The following CILK1 variants were observed in gnomAD, a reference collection of about 807,000 sequenced individuals.
CILK1 encodes the protein ciliogenesis associated kinase 1.
Under a neutral mutation model 79.2 loss-of-function variants are expected in CILK1, and 47 were observed. The ratio of observed to expected loss-of-function variants is 0.59; its 90% CI spans 0.47 to 0.76. The LOEUF (loss-of-function observed/expected upper bound fraction) is 0.76. Among genes scored for constraint, CILK1 ranks in the 30% least tolerant of loss-of-function variants. The pLI, the probability that CILK1 is intolerant of heterozygous loss-of-function variation, is 0.00. For missense variants in CILK1, 660 were observed against 769.5 expected, an observed-to-expected ratio of 0.86 and a Z score of 1.68; for synonymous variants, 266 against 275.9, an observed-to-expected ratio of 0.96 and a Z score of 0.36.
rs55651330 is a variant in CILK1, at chr6:53,019,343, G to A, written c.375C>T (p.Asp125=). 11 of 1,613,998 alleles carry A rather than the reference G, an allele frequency of 6.8e-6. No individual in the cohort carries two copies. The highest frequency in any genetic ancestry group is 6.7e-5 in the African/African-American group (5 of 74,932). The change falls in exon 6 of 14, where the codon GAC becomes GAT. Residue 125 remains aspartate (D), a synonymous_variant. Transcript: ENST00000676107. The stretch of plus-strand genomic sequence containing the variant: ...TGCAGAGGAGGTTCTCAGGCTTTAA[G>A]TCTCGATGAAAGAAGCCTATAGAGA... ...FIHKHGFFHR[D]LKPENLLCMG... is the part of the protein sequence containing the mutation.
At chr6:53,023,550 T>A (rs899816054) in intron 5 of CILK1, among the ~76,000 whole-genome samples, 2 of 152,168 alleles carry the variant, frequency 1.3e-5, no homozygotes. Context: ...TCAGAGCTGG[T>A]TGTCCTTGTG....
rs769296693 is a variant in CILK1 at position 53,006,324 on chromosome 6, G to A, written c.1735C>T (p.Pro579Ser). ...QRVHLAPIPDPSPGYSSLKAM... is the reference protein window; with the variant it reads ...QRVHLAPIPDSSPGYSSLKAM... ...TTAAAATACAACTCACCAGGGGAAG[G>A]GTCTGGAATAGGTGCTAGGTGTACC... Residue 579 changes from proline (P) to serine (S), a missense_variant, in exon 13 of 14, where the codon CCT (proline) becomes TCT (serine). By Grantham distance (74) the Pro-to-Ser change is moderately conservative. Transcript: ENST00000676107. 1 of 1,613,562 alleles carries A rather than the reference G, an allele frequency of 6.2e-7. No homozygotes were observed. Among genetic ancestry groups the A allele is most frequent in the Non-Finnish European group, 8.5e-7 (1 of 1,179,686 alleles).
At chr6:53,022,570 C>A (rs527314954) in intron 5 of CILK1, among the ~76,000 whole-genome samples, 2 of 152,268 alleles carry the variant, frequency 1.3e-5, no homozygotes, top group Non-Finnish European at 2.9e-5. Flanking sequence ...TGCACAACAA[C>A]AAAATTGTCT....
chr6:53,034,382 G>A (rs557255779), intron 3 of CILK1, among the ~76,000 whole-genome samples: 11 of 152,172 alleles, frequency 7.2e-5, no homozygotes, highest in Non-Finnish European at 1.3e-4. Context: ...AATTTTGTGT[G>A]GGGGACGTCA....
intron 2 of CILK1, 149 bp downstream of exon 2, chr6:53,040,987 T>G (rs1766667001): frequency 1.1e-5 from 8 of 702,668 alleles, no homozygotes; most frequent in Admixed American, 2.0e-5. Context: ...ACATGAGTGT[T>G]ACAGAGTCAA....
At chr6:53,038,102 G>T in intron 2 of CILK1, 109 bp from the exon 3 acceptor site, 2 of 753,462 alleles carry the variant, frequency 2.7e-6, no homozygotes, top group Non-Finnish European at 4.7e-6. Context: ...ACTTAAAGTG[G>T]GTTTAAATTT....
chr6:53,035,091 T>A (rs1034754359), intron 3 of CILK1, among the ~76,000 whole-genome samples: 3 of 151,950 alleles, frequency 2.0e-5, no homozygotes, highest in African/African-American at 7.3e-5. Context: ...ACCTGCTGAG[T>A]TCTTCTGGTG....
chr6:53,027,076 T>C (rs1765626178), intron 5 of CILK1, among the ~76,000 whole-genome samples: 1 of 152,218 alleles, frequency 6.6e-6, no homozygotes, highest in Non-Finnish European at 1.5e-5. Context: ...CAGGACACTT[T>C]CCTGCTGTGG....
intron 1 of CILK1, among the ~76,000 whole-genome samples, chr6:53,060,636 A>G (rs899032592): frequency 6.6e-6 from 1 of 152,214 alleles, no homozygotes. Flanking sequence ...ATTGTAGCGC[A>G]TTGTTCAGAA....
intron 2 of CILK1, among the ~76,000 whole-genome samples, chr6:53,038,416 G>A (rs1766496233): frequency 6.6e-6 from 1 of 152,108 alleles, no homozygotes; most frequent in Admixed American, 6.5e-5. Flanking sequence ...GCACAATGTG[G>A]GAACTGAATT....
chr6:53,005,351 A>G, intron 13 of CILK1, 48 bp from the exon 14 acceptor site: 1 of 1,601,078 alleles, frequency 6.2e-7, no homozygotes. Flanking sequence ...GGCCAATGTA[A>G]GCAAAGTACA....
At position 53,005,155 on chromosome 6, in the gene CILK1, C is replaced by A; in HGVS notation, c.1893G>T (p.Arg631=). The A allele has an allele frequency of 6.2e-7, 1 of 1,614,150 alleles. No homozygotes were observed. The highest frequency in any genetic ancestry group is 8.5e-7 in the Non-Finnish European group (1 of 1,180,040). The change falls in exon 14 of 14, where the codon CGG becomes CGT. Residue 631 remains arginine (R), a synonymous_variant. Transcript: ENST00000676107. ...TCATCACCAAGGCAGACAGTCATCG[C>A]CGAGATGCGTACTTGGAAGCCCAGT... ...RTDWASKYAS[R]R is the part of the protein sequence containing the mutation.
At position 53,041,171 on chromosome 6, in the gene CILK1, T is replaced by C. The variant is rs1447163434; in HGVS notation, c.66A>G (p.Arg22=). The change falls in exon 2 of 14, where the codon AGA becomes AGG. Residue 22 remains arginine, a synonymous_variant. Transcript: ENST00000676107. ...DGTYGSVLLG[R]SIESGELIAI... ...CGATCAGCTCCCCAGACTCAATGCT[T>C]CTTCCCAGCAGGACGGAACCGTAGG... 1.2e-6 allele frequency: 2 copies of C among 1,613,974 alleles called. No homozygotes were observed. Among genetic ancestry groups the C allele is most frequent in the East Asian group, 4.5e-5 (2 of 44,882 alleles).
rs1168759367 is a variant in CILK1 at position 53,019,302 on chromosome 6, A to C, written c.416T>G (p.Val139Gly). The C allele has an allele frequency of 6.2e-7, 1 of 1,614,060 alleles. No homozygotes were observed. The highest frequency in any genetic ancestry group is 1.7e-5 in the Admixed American group (1 of 60,022). ...GGCCAAACCAAAGTCTGCAATTTTC[A>C]CAAGTTCTGGTCCCATGCAGAGGAG... is the stretch of plus-strand genomic sequence containing the variant. Reference protein sequence around the residue: ...ENLLCMGPELVKIADFGLARE... With the variant: ...ENLLCMGPELGKIADFGLARE... Residue 139 changes from valine (V) to glycine (G), a missense_variant, in exon 6 of 14, where the codon GTG (valine) becomes GGG (glycine). By Grantham distance (109) the Val-to-Gly change is moderately radical. Transcript: ENST00000676107.
chr6:53,032,690 T>C (rs747779453), intron 3 of CILK1, 36 bp from the exon 4 acceptor site: 32 of 1,542,842 alleles, frequency 2.1e-5, no homozygotes, highest in Non-Finnish European at 2.7e-5. Context: ...ACAAAACAAA[T>C]ATTAGAGAAA....
intron 1 of CILK1, among the ~76,000 whole-genome samples, chr6:53,056,405 A>G (rs980258842): frequency 6.6e-6 from 1 of 152,206 alleles, no homozygotes; most frequent in Non-Finnish European, 1.5e-5. Flanking sequence ...CCACTCTGCC[A>G]TTGTAGCATG....
intron 2 of CILK1, among the ~76,000 whole-genome samples, chr6:53,038,730 G>A (rs1766514871): frequency 6.6e-6 from 1 of 152,218 alleles, no homozygotes; most frequent in Admixed American, 6.5e-5. Flanking sequence ...TATACTGCCT[G>A]TGGCTGCTTT....
At chr6:53,048,259 C>G (rs1250165463) in intron 1 of CILK1, among the ~76,000 whole-genome samples, 1 of 152,120 alleles carries the variant, frequency 6.6e-6, no homozygotes, top group Non-Finnish European at 1.5e-5. Flanking sequence ...TGAAGAAACA[C>G]CGGATGCTGG....
At chr6:53,032,415 T>TAA (rs1766027972) in intron 4 of CILK1, 118 bp downstream of exon 4, 3 of 406,460 alleles carry the variant, frequency 7.4e-6, no homozygotes, top group Admixed American at 1.1e-4. Flanking sequence ...TAAAATAAAA[T>TAA]AAAAAATAAA....
Sources: allele counts gnomAD v4.1 joint callset (sites outside exome capture counted in the v4.1 genomes callset), GRCh38; gene constraint gnomAD v4.1.1; transcripts MANE v1.5; gene names NCBI Gene and HGNC (gene_info 2026-07-23, HGNC 2026-07-21).